DDX19B: variants seen among roughly 807,000 people sequenced by gnomAD.
DDX19B encodes DEAD-box helicase 19B.
A neutral mutation model predicts 58.1 loss-of-function variants in DDX19B; 27 were observed. The ratio of observed to expected loss-of-function variants is 0.46; its 90% CI spans 0.34 to 0.64. The LOEUF (loss-of-function observed/expected upper bound fraction) is 0.64, where lower values mean the gene tolerates loss of function less well. Ranked by LOEUF, DDX19B falls within the 30% of genes least tolerant of loss-of-function variation. The pLI, the probability that DDX19B is intolerant of heterozygous loss-of-function variation, is 0.01. For synonymous variants in DDX19B, 187 were observed against 214.4 expected (o/e 0.87, Z 1.12); for missense variants, 399 against 596.5 (o/e 0.67, Z 3.45).
At chr16:70,321,096 G>C (rs1385145838) in intron 5 of DDX19B, among the ~76,000 whole-genome samples, 1 of 151,430 alleles carries the variant, frequency 6.6e-6, no homozygotes, top group Non-Finnish European at 1.5e-5. Flanking sequence ...CCAAGTAGCT[G>C]GGATTACAGG....
At chr16:70,325,323 C>T (rs1229476435) in intron 6 of DDX19B, among the ~76,000 whole-genome samples, 1 of 152,124 alleles carries the variant, frequency 6.6e-6, no homozygotes, top group Non-Finnish European at 1.5e-5. Context: ...ACTTTAGATC[C>T]TTGCTCATGG....
At chr16:70,305,990 T>A (rs964470964) in intron 1 of DDX19B, among the ~76,000 whole-genome samples, 1 of 152,004 alleles carries the variant, frequency 6.6e-6, no homozygotes, top group Non-Finnish European at 1.5e-5. Flanking sequence ...GTCTCGATCT[T>A]CTGACCTCGT....
intron 4 of DDX19B, among the ~76,000 whole-genome samples, chr16:70,316,783 T>C (rs1962442739): frequency 6.6e-6 from 1 of 152,134 alleles, no homozygotes; most frequent in East Asian, 1.9e-4. Context: ...TTACAAACTA[T>C]GTGTAGGCCA....
intron 1 of DDX19B, among the ~76,000 whole-genome samples, chr16:70,306,500 G>C (rs1222113749): frequency 6.6e-6 from 1 of 152,176 alleles, no homozygotes; most frequent in African/African-American, 2.4e-5. Context: ...ATGTGCCTAA[G>C]AGGGTTTGTT....
upstream of DDX19B, among the ~76,000 whole-genome samples, chr16:70,295,377 G>C (rs553321196): frequency 6.6e-6 from 1 of 152,132 alleles, no homozygotes; most frequent in South Asian, 2.1e-4. Context: ...GGGATCAAGT[G>C]ATCCTCCCAC....
chr16:70,315,664 T>A, intron 3 of DDX19B: 1 of 217,248 alleles, frequency 4.6e-6, no homozygotes, highest in Non-Finnish European at 9.0e-6. Flanking sequence ...TTAATTACTT[T>A]AGGTTTATAT....
Position 70,333,033 on chromosome 16 carries a change from C to T in DDX19B, c.1252C>T (p.Pro418Ser). ...TCTTCCCGTGGACAAGGACGGGAAT[C>T]CTGACAATGAGACCTACCTGCACCG... ...FDLPVDKDGN[P>S]DNETYLHRIG... Residue 418 changes from proline to serine, a missense_variant, in exon 11 of 12, where the codon CCT becomes TCT. Transcript: ENST00000288071. 6.2e-7 allele frequency: 1 copy of T among 1,612,998 alleles called. No individual in the cohort carries two copies. Among genetic ancestry groups the T allele is most frequent in the African/African-American group, 1.3e-5 (1 of 74,704 alleles).
intron 9 of DDX19B, among the ~76,000 whole-genome samples, chr16:70,330,580 C>T (rs946765961): frequency 6.6e-6 from 1 of 152,022 alleles, no homozygotes; most frequent in Non-Finnish European, 1.5e-5. Context: ...AAGAGCGAAA[C>T]TCTGTCTCAA....
rs778409703 is a variant in DDX19B, at chr16:70,317,599, TATTACAAC to T, written c.389+12_389+19del. The T allele has an allele frequency of 8.1e-6, 13 of 1,595,092 alleles. No individual in the cohort carries two copies. The African/African-American group carries it at 1.8e-4, about 22-fold the overall frequency. ...GATGCTTGCTGAGCCGTATGTGTCC[TATTACAAC>T]TCCATTTCATTTTAGATTTTCTATT... On this transcript the variant is annotated intron_variant, in intron 5 of 11. Coordinates refer to ENST00000288071, the MANE Select transcript of DDX19B (RefSeq NM_007242.7).
intron 9 of DDX19B, among the ~76,000 whole-genome samples, chr16:70,330,755 T>G (rs991465478): frequency 6.6e-6 from 1 of 151,038 alleles, no homozygotes; most frequent in Non-Finnish European, 1.5e-5. Flanking sequence ...ATTAAAAATA[T>G]ATATATGGCT....
Position 70,317,585 on chromosome 16 carries a change from A to G in DDX19B, c.386A>G (p.Glu129Gly). ...AACGCATTGCCACTGATGCTTGCTGAGCCGTATGTGTCCTATTACAACTCC... is the reference window on the plus strand; with the variant it reads ...AACGCATTGCCACTGATGCTTGCTGGGCCGTATGTGTCCTATTACAACTCC... ...QENALPLMLA[E>G]PPQNLIAQSQ... Residue 129 changes from glutamate (E) to glycine (G), a missense_variant, in exon 5 of 12, where the codon GAG becomes GGG. Glu to Gly is a moderately conservative substitution (Grantham distance 98). Coordinates refer to ENST00000288071, the MANE Select transcript of DDX19B (RefSeq NM_007242.7). The G allele has an allele frequency of 2.5e-6, 4 of 1,610,696 alleles. No individual in the cohort carries two copies. The highest frequency in any genetic ancestry group is 3.4e-6 in the Non-Finnish European group (4 of 1,177,776).
intron 1 of DDX19B, among the ~76,000 whole-genome samples, chr16:70,311,176 A>G (rs1464276390): frequency 6.6e-6 from 1 of 151,688 alleles, no homozygotes; most frequent in African/African-American, 2.4e-5. Flanking sequence ...GATCAAGACC[A>G]TCCTGGCTAA....
chr16:70,299,806 C>T (rs773136575), intron 1 of DDX19B, among the ~76,000 whole-genome samples: 1 of 152,140 alleles, frequency 6.6e-6, no homozygotes, highest in Non-Finnish European at 1.5e-5. Context: ...TCATTCTCCA[C>T]CTCTACATTC....
chr16:70,333,631 G>C lies in DDX19B; in HGVS notation c.*49G>C, dbSNP rs768102177. ...CAGCCCTGGCACTGCCCCTGCACAG[G>C]AGACAAGTGCGTTCAGGGCACAGGC... is the stretch of plus-strand genomic sequence containing the variant. On this transcript the variant is annotated 3_prime_UTR_variant, in exon 12 of 12. Transcript: ENST00000288071. The C allele has an allele frequency of 1.9e-6, 3 of 1,613,848 alleles. No homozygotes were observed. Among genetic ancestry groups the C allele is most frequent in the Non-Finnish European group, 2.5e-6 (3 of 1,179,738 alleles).
intron 1 of DDX19B, among the ~76,000 whole-genome samples, chr16:70,308,563 G>T (rs1008372107): frequency 2.0e-5 from 3 of 151,734 alleles, no homozygotes; most frequent in Non-Finnish European, 4.4e-5. Context: ...AGGAGATGGG[G>T]TCTCACTATG....
chr16:70,329,239 AAAAAG>A, intron 7 of DDX19B, 48 bp from the exon 8 acceptor site: 25 of 1,571,592 alleles, frequency 1.6e-5, no homozygotes, highest in Middle Eastern at 3.4e-4. Context: ...AAAAAAAAAA[AAAAAG>A]AAAGAAAGAA....
chr16:70,297,674 T>C (rs984196313), upstream of DDX19B, among the ~76,000 whole-genome samples: 1 of 152,192 alleles, frequency 6.6e-6, no homozygotes, highest in African/African-American at 2.4e-5. Context: ...AGTTCTTTCA[T>C]TTAATCCTTA....
intron 5 of DDX19B, 193 bp downstream of exon 5, chr16:70,317,781 A>G (rs1017030933): frequency 1.3e-5 from 5 of 383,146 alleles, no homozygotes; most frequent in Non-Finnish European, 2.4e-5. Flanking sequence ...CAACAAAAAA[A>G]AAAACGTTAT....
At chr16:70,327,563 AT>A (rs71387516) in intron 7 of DDX19B, among the ~76,000 whole-genome samples, 52,235 of 146,144 alleles carry the variant, frequency 0.36, 9,823 homozygotes, top group Non-Finnish European at 0.43. Flanking sequence ...AAACAAACAA[AT>A]TTTTTTTTTT....
Sources: allele counts gnomAD v4.1 joint callset (sites outside exome capture counted in the v4.1 genomes callset), GRCh38; gene constraint gnomAD v4.1.1; transcripts MANE v1.5; gene names NCBI Gene and HGNC (gene_info 2026-07-23, HGNC 2026-07-21).